Variants in LDLRAD4 observed in about 807,000 individuals in gnomAD.
The protein encoded by LDLRAD4 is low density lipoprotein receptor class A domain containing 4, also known as low-density lipoprotein receptor class A domain-containing protein 4.
Under a neutral mutation model 17.0 loss-of-function variants are expected in LDLRAD4, and 5 were observed. The ratio of observed to expected loss-of-function variants is 0.29; its 90% CI spans 0.15 to 0.62. The LOEUF is 0.62. Ranked by LOEUF, LDLRAD4 falls within the 20% of genes least tolerant of loss-of-function variation. The probability of loss-of-function intolerance (pLI) is 0.84; values close to 1 mark genes in which losing one functional copy is unlikely to be tolerated. For synonymous variants in LDLRAD4, 168 were observed against 171.8 expected (o/e 0.98, Z 0.17); for missense variants, 340 against 424.7 (o/e 0.80, Z 1.75).
intron 3 of LDLRAD4, among the ~76,000 whole-genome samples, chr18:13,452,884 C>A (rs2091917827): frequency 6.6e-6 from 1 of 152,120 alleles, no homozygotes; most frequent in Non-Finnish European, 1.5e-5. Context: ...TGAGGGGTGA[C>A]CCCCAGCGAG....
At chr18:13,472,849 C>G (rs986853851) in intron 3 of LDLRAD4, 2 of 152,218 alleles carry the variant, frequency 1.3e-5, no homozygotes, top group Admixed American at 6.5e-5. Flanking sequence ...GCGAGCACAT[C>G]TGAGCAAACA....
intron 3 of LDLRAD4, among the ~76,000 whole-genome samples, chr18:13,457,531 T>A (rs2092207312): frequency 6.6e-6 from 1 of 152,112 alleles, no homozygotes; most frequent in East Asian, 1.9e-4. Flanking sequence ...AGGAGAGAGA[T>A]GTTTTGCCTG....
Position 13,599,640 on chromosome 18 carries a change from G to A in LDLRAD4, c.182-21477G>A, listed in dbSNP as rs1167812521. ...TGAGTGGCTGGGACTACAGGCGCCC[G>A]CCACCACACCCGGCTAATTTTTTTG... On this transcript the variant is annotated intron_variant, in intron 3 of 5. Coordinates refer to ENST00000359446, the Ensembl canonical transcript of LDLRAD4. Among the ~76,000 whole-genome samples the A allele has an allele frequency of 5.3e-5, 8 of 151,802 alleles. No individual in the cohort carries two copies. The South Asian group carries it at 6.2e-4, about 12-fold the overall frequency.
intron 2 of LDLRAD4, among the ~76,000 whole-genome samples, chr18:13,399,456 T>G (rs918152533): frequency 1.3e-5 from 2 of 152,234 alleles, no homozygotes; most frequent in East Asian, 1.9e-4. Context: ...GATAAAGCAC[T>G]TGCAACGAAG....
rs56769103 is a variant in LDLRAD4, at chr18:13,430,173, C to T, written c.41-8071C>T. On this transcript the variant is annotated intron_variant, in intron 2 of 5. Coordinates refer to ENST00000359446, the Ensembl canonical transcript of LDLRAD4. ...CTTGTGCTTCCCATTTTGGGGCCCA[C>T]GTTTCTGCTGTCAACACCTGTGCAT... Among the ~76,000 whole-genome samples the T allele has an allele frequency of 2.3e-3, 350 of 152,308 alleles. 3 individuals are homozygous for T. The highest frequency in any genetic ancestry group is 7.8e-3 in the African/African-American group (324 of 41,556).
intron 3 of LDLRAD4, among the ~76,000 whole-genome samples, chr18:13,524,244 CACTTT>C (rs1320378024): frequency 6.6e-6 from 1 of 152,198 alleles, no homozygotes; most frequent in African/African-American, 2.4e-5. Flanking sequence ...TTTTATTTTA[CACTTT>C]ACTTTGAAAA....
At chr18:13,565,973 C>T (rs1304376214) in intron 3 of LDLRAD4, among the ~76,000 whole-genome samples, 7 of 152,240 alleles carry the variant, frequency 4.6e-5, no homozygotes, top group South Asian at 2.1e-4. Flanking sequence ...CTCCAAGGCA[C>T]GCCATTCGTC....
intron 3 of LDLRAD4, among the ~76,000 whole-genome samples, chr18:13,581,153 G>A (rs372313582): frequency 8.4e-4 from 128 of 152,316 alleles, no homozygotes; most frequent in African/African-American, 2.9e-3. Flanking sequence ...TTTATGCAGT[G>A]CGTAATAATT....
At chr18:13,261,071 T>C (rs2043792055) in intron 1 of LDLRAD4, among the ~76,000 whole-genome samples, 1 of 152,162 alleles carries the variant, frequency 6.6e-6, no homozygotes, top group Non-Finnish European at 1.5e-5. Context: ...CCCTCATTCC[T>C]CTCCTAGGTG....
Position 13,380,527 on chromosome 18 carries a change from C to T in LDLRAD4, c.-382-6814C>T, listed in dbSNP as rs189528507. Among the ~76,000 whole-genome samples the T allele has an allele frequency of 6.4e-4, 97 of 152,328 alleles. 1 individual carries two copies. Among genetic ancestry groups the T allele is most frequent in the African/African-American group, 2.0e-3 (85 of 41,568 alleles). On this transcript the variant is annotated intron_variant, in intron 1 of 5. Transcript: ENST00000359446. Reference sequence around the variant, plus strand: ...AGCACAGGGGTCGGATATATGACTCCTTGCGGCTTCCTCTGCTGCTAGATC... The same window carrying T: ...AGCACAGGGGTCGGATATATGACTCTTTGCGGCTTCCTCTGCTGCTAGATC...
chr18:13,235,931 T>G (rs186741008), intron 1 of LDLRAD4, among the ~76,000 whole-genome samples: 1 of 152,366 alleles, frequency 6.6e-6, no homozygotes, highest in Admixed American at 6.5e-5. Flanking sequence ...AAGGATGGTT[T>G]AAAAAATTCT....
intron 4 of LDLRAD4, among the ~76,000 whole-genome samples, chr18:13,640,165 C>A (rs2155898): frequency 1.3e-5 from 2 of 151,488 alleles, no homozygotes; most frequent in African/African-American, 2.4e-5. Context: ...TGGTGGCGGG[C>A]GCCTGTAGTC....
At chr18:13,619,137 A>G (rs936947775) in intron 3 of LDLRAD4, among the ~76,000 whole-genome samples, 19 of 152,126 alleles carry the variant, frequency 1.2e-4, no homozygotes, top group Admixed American at 3.9e-4. Context: ...ACCTTGTACC[A>G]GTTAAGCCAC....
At chr18:13,445,584 G>C (rs376231770) in intron 3 of LDLRAD4, among the ~76,000 whole-genome samples, 1 of 151,850 alleles carries the variant, frequency 6.6e-6, no homozygotes, top group Non-Finnish European at 1.5e-5. Flanking sequence ...GTGTGTATGC[G>C]TGAGGGTCTA....
intron 2 of LDLRAD4, among the ~76,000 whole-genome samples, chr18:13,411,437 G>T (rs780072637): frequency 5.9e-5 from 9 of 152,128 alleles, no homozygotes; most frequent in Non-Finnish European, 1.3e-4. Flanking sequence ...ATATGGTTTG[G>T]CTGTGTCCTT....
At chr18:13,634,523 T>C (rs1360629123) in intron 4 of LDLRAD4, among the ~76,000 whole-genome samples, 1 of 152,150 alleles carries the variant, frequency 6.6e-6, no homozygotes, top group Non-Finnish European at 1.5e-5. Flanking sequence ...GGTGAAAGAC[T>C]TGTGCACTGA....
chr18:13,578,623 A>G (rs1318658740), intron 3 of LDLRAD4, among the ~76,000 whole-genome samples: 2 of 152,182 alleles, frequency 1.3e-5, no homozygotes, highest in Non-Finnish European at 2.9e-5. Context: ...TGGCGATCTT[A>G]TAGAGCCTGT....
intron 3 of LDLRAD4, chr18:13,521,922 G>A (rs1323673627): frequency 6.6e-6 from 1 of 150,428 alleles, no homozygotes; most frequent in Non-Finnish European, 1.5e-5. Context: ...TGTCTCCATG[G>A]CAAGTGGCTG....
chr18:13,406,705 T>G (rs1466756427), intron 2 of LDLRAD4, among the ~76,000 whole-genome samples: 1 of 152,134 alleles, frequency 6.6e-6, no homozygotes, highest in Non-Finnish European at 1.5e-5. Context: ...CGGTGCAGGC[T>G]GGGGCCGACT....
Sources: gnomAD v4.1 joint callset for allele counts (sites outside exome capture counted in the v4.1 genomes callset) on GRCh38, gnomAD v4.1.1 for gene constraint, MANE v1.5 for transcripts, NCBI Gene and HGNC (gene_info 2026-07-23, HGNC 2026-07-21) for gene names.